The following SPG11 variants were observed in gnomAD, a reference collection of about 807,000 sequenced individuals.
The protein encoded by SPG11 is SPG11 vesicle trafficking associated, spatacsin, also known as spatacsin.
SPG11 carries 222 observed loss-of-function variants against 274.0 expected under a neutral mutation model. The observed-to-expected ratio is 0.81, with a 90% CI of 0.73 to 0.91. The LOEUF (loss-of-function observed/expected upper bound fraction) is 0.91, where lower values mean the gene tolerates loss of function less well. SPG11 is among the 40% of genes least tolerant of loss of function. The pLI, the probability that SPG11 is intolerant of heterozygous loss-of-function variation, is 0.00. For synonymous variants in SPG11, 1,144 were observed against 1,039.7 expected (o/e 1.10, Z -1.93); for missense variants, 3,114 against 2,872.7 (o/e 1.08, Z -1.92).
At position 44,579,662 on chromosome 15, in the gene SPG11, A is replaced by G. The variant is rs576966435; in HGVS notation, c.5866+4152T>C. ...AAGAATTTAAAGCAGCTATAATACA[A>G]ATGTTCCAATAAGCAATTCTGAATG... is the stretch of plus-strand genomic sequence containing the variant. On this transcript the variant is annotated intron_variant, in intron 30 of 39. Transcript: ENST00000261866. Among the ~76,000 whole-genome samples, 38 of 152,342 alleles carry G rather than the reference A, an allele frequency of 2.5e-4. No homozygotes were observed. In the South Asian group the frequency reaches 5.2e-3, roughly 21 times the overall value.
intron 20 of SPG11, among the ~76,000 whole-genome samples, chr15:44,605,678 C>G (rs1401375829): frequency 6.6e-6 from 1 of 152,082 alleles, no homozygotes; most frequent in African/African-American, 2.4e-5. Flanking sequence ...CAAGGTCATA[C>G]AGGTATTAAT....
At chr15:44,647,996 C>A (rs2084654008) in intron 7 of SPG11, among the ~76,000 whole-genome samples, 1 of 152,140 alleles carries the variant, frequency 6.6e-6, no homozygotes, top group African/African-American at 2.4e-5. Flanking sequence ...AGGTACCCTG[C>A]CCTTGATTCT....
At position 44,660,428 on chromosome 15, in the gene SPG11, T is replaced by G. The variant is rs755765050; in HGVS notation, c.442+4A>C. The stretch of plus-strand genomic sequence containing the variant: ...ATGCTGAAAGACCACCTGTAGATAC[T>G]TACTGATATCTTGATCGTCAATGAG... On this transcript the variant is annotated splice_donor_region_variant and intron_variant, in intron 2 of 39. Transcript: ENST00000261866. The G allele has an allele frequency of 1.9e-6, 3 of 1,612,512 alleles. No individual in the cohort carries two copies. In the African/African-American group the frequency reaches 4.0e-5, roughly 22 times the overall value.
chr15:44,607,927 C>T (rs1261357286), intron 19 of SPG11, among the ~76,000 whole-genome samples: 3 of 152,188 alleles, frequency 2.0e-5, no homozygotes, highest in Non-Finnish European at 4.4e-5. Flanking sequence ...GACAGGTATG[C>T]TGGTCAACTG....
At chr15:44,655,911 G>A (rs997538127) in intron 4 of SPG11, among the ~76,000 whole-genome samples, 3 of 152,180 alleles carry the variant, frequency 2.0e-5, no homozygotes, top group Non-Finnish European at 4.4e-5. Context: ...TAAAAGTTAT[G>A]TGAATGTAGT....
chr15:44,565,797 G>A (rs927709668), intron 38 of SPG11, 57 bp downstream of exon 38: 87 of 1,605,620 alleles, frequency 5.4e-5, no homozygotes, highest in Non-Finnish European at 7.1e-5. Context: ...TTCCATGAGT[G>A]GGACAGAAGG....
chr15:44,637,962 C>A (rs1396428432), intron 7 of SPG11, among the ~76,000 whole-genome samples: 1 of 152,064 alleles, frequency 6.6e-6, no homozygotes, highest in Non-Finnish European at 1.5e-5. Context: ...TATCGATGAT[C>A]CTAGGCCTAG....
chr15:44,660,807 C>A (rs1286960162), intron 1 of SPG11, among the ~76,000 whole-genome samples, 191 bp from the exon 2 acceptor site: 3 of 152,116 alleles, frequency 2.0e-5, no homozygotes, highest in African/African-American at 7.2e-5. Flanking sequence ...TTTACACCAA[C>A]ACGAAAATAC....
At chr15:44,646,286 C>T (rs2084608327) in intron 7 of SPG11, among the ~76,000 whole-genome samples, 1 of 152,164 alleles carries the variant, frequency 6.6e-6, no homozygotes, top group Middle Eastern at 3.2e-3. Flanking sequence ...AGTCTGTTCT[C>T]ACACTGCTAC....
Position 44,622,208 on chromosome 15 carries a change from T to C in SPG11, c.2444+12A>G. On this transcript the variant is annotated intron_variant, in intron 13 of 39. Transcript: ENST00000261866. Reference sequence around the variant, plus strand: ...TATTCTAATATTATCAAAAGAGGACTAATGAGACTACCTGGGAAATGACTG... The same window carrying C: ...TATTCTAATATTATCAAAAGAGGACCAATGAGACTACCTGGGAAATGACTG... 1 of 1,610,994 alleles carries C rather than the reference T, an allele frequency of 6.2e-7. No homozygotes were observed.
chr15:44,584,556 T>C lies in SPG11; in HGVS notation c.5124A>G (p.Ile1708Met), dbSNP rs2082719503. ...LPVDNLVIKE[I>M]TQEMQTLKHI... ...GTTTTAGGGTCTGCATTTCCTGTGTTATCTGTGAAATTTAACAAAGCAGAT... is the reference window on the plus strand; with the variant it reads ...GTTTTAGGGTCTGCATTTCCTGTGTCATCTGTGAAATTTAACAAAGCAGAT... The change falls in exon 30 of 40, where the codon ATA becomes ATG. Residue 1708 changes from isoleucine (I) to methionine (M), a missense_variant and splice_region_variant. Physicochemically the swap from Ile to Met is conservative, Grantham distance 10. Transcript: ENST00000261866. 1 of 1,608,590 alleles carries C rather than the reference T, an allele frequency of 6.2e-7. No individual in the cohort carries two copies. Among genetic ancestry groups the C allele is most frequent in the East Asian group, 2.2e-5 (1 of 44,886 alleles).
intron 24 of SPG11, 55 bp from the exon 25 acceptor site, chr15:44,596,410 G>A: frequency 1.3e-6 from 2 of 1,597,966 alleles, no homozygotes; most frequent in South Asian, 2.2e-5. Context: ...TTCAGCTGGA[G>A]CTGAAAATGT....
intron 20 of SPG11, among the ~76,000 whole-genome samples, chr15:44,605,271 C>T (rs1283277544): frequency 6.6e-6 from 1 of 152,192 alleles, no homozygotes; most frequent in Admixed American, 6.5e-5. Flanking sequence ...TGAACATCTA[C>T]TGTAGGCTTG....
chr15:44,566,058 C>A (rs765112961), intron 37 of SPG11, 49 bp from the exon 38 acceptor site: 1 of 1,610,330 alleles, frequency 6.2e-7, no homozygotes, highest in Middle Eastern at 1.8e-4. Flanking sequence ...CTAGTTGTCA[C>A]CTCCTGTGTG....
At chr15:44,633,820 ACT>A (rs755998546) in intron 7 of SPG11, among the ~76,000 whole-genome samples, 183 bp from the exon 8 acceptor site, 9 of 151,444 alleles carry the variant, frequency 5.9e-5, no homozygotes, top group Admixed American at 2.0e-4. Flanking sequence ...CTGGGGCAAG[ACT>A]CTGTAACCTT....
intron 7 of SPG11, among the ~76,000 whole-genome samples, chr15:44,638,400 CG>C (rs1029564547): frequency 6.6e-6 from 1 of 151,824 alleles, no homozygotes; most frequent in Non-Finnish European, 1.5e-5. Flanking sequence ...GTGGAGGCTA[CG>C]GTGAGCCAAG....
intron 21 of SPG11, 194 bp downstream of exon 21, chr15:44,600,272 CA>C: frequency 1.8e-6 from 1 of 569,370 alleles, no homozygotes. Context: ...TTTTAGAATA[CA>C]AATTATATTT....
chr15:44,617,184 T>C (rs1020919016), intron 15 of SPG11, among the ~76,000 whole-genome samples: 17 of 152,330 alleles, frequency 1.1e-4, no homozygotes, highest in African/African-American at 3.8e-4. Context: ...TGACTACAGC[T>C]TGGCTGACAC....
At chr15:44,642,451 C>T (rs184469442) in intron 7 of SPG11, among the ~76,000 whole-genome samples, 1 of 148,462 alleles carries the variant, frequency 6.7e-6, no homozygotes, top group African/African-American at 2.5e-5. Context: ...TATACACACA[C>T]ACACATACAC....
Sources: allele counts gnomAD v4.1 joint callset (sites outside exome capture counted in the v4.1 genomes callset), GRCh38; gene constraint gnomAD v4.1.1; transcripts MANE v1.5; gene names NCBI Gene and HGNC (gene_info 2026-07-23, HGNC 2026-07-21).